Variants in GHITM observed in about 807,000 individuals in gnomAD.
The protein encoded by GHITM is growth hormone inducible transmembrane protein, also known as growth hormone-inducible transmembrane protein.
GHITM carries 24 observed loss-of-function variants against 38.7 expected under a neutral mutation model. The observed-to-expected ratio is 0.62, with a 90% CI of 0.45 to 0.87. The LOEUF (loss-of-function observed/expected upper bound fraction) is 0.87. GHITM is among the 40% of genes least tolerant of loss of function. GHITM has a pLI of 0.00. For synonymous variants in GHITM, 154 were observed against 147.8 expected (o/e 1.04, Z -0.30); for missense variants, 420 against 429.8 (o/e 0.98, Z 0.20).
At chr10:84,149,209 G>A (rs558317156) in intron 6 of GHITM, among the ~76,000 whole-genome samples, 1 of 152,230 alleles carries the variant, frequency 6.6e-6, no homozygotes, top group South Asian at 2.1e-4. Flanking sequence ...TAAAAATGTT[G>A]CTGCGAAATA....
intron 4 of GHITM, among the ~76,000 whole-genome samples, 191 bp from the exon 5 acceptor site, chr10:84,144,684 A>G (rs1410292050): frequency 6.6e-6 from 1 of 152,138 alleles, no homozygotes; most frequent in African/African-American, 2.4e-5. Flanking sequence ...ATGTGCTTGT[A>G]TGTTTTATCT....
At chr10:84,144,145 T>C in intron 4 of GHITM, 39 bp downstream of exon 4, 1 of 1,298,604 alleles carries the variant, frequency 7.7e-7, no homozygotes, top group Non-Finnish European at 1.1e-6. Context: ...CCTAAACAAC[T>C]CCAGCCTTAA....
rs1432861792 is a variant in GHITM at position 84,148,856 on chromosome 10, T to G, written c.592+18T>G. Reference sequence around the variant, plus strand: ...ACATTCTGGTATGTTCTGTTTTAAATTGTTACGAGACAACCTTGACTACCA... The same window carrying G: ...ACATTCTGGTATGTTCTGTTTTAAAGTGTTACGAGACAACCTTGACTACCA... On this transcript the variant is annotated intron_variant, in intron 6 of 8. Transcript: ENST00000372134. 1.4e-6 allele frequency: 2 copies of G among 1,479,850 alleles called. No individual in the cohort carries two copies. Among genetic ancestry groups the G allele is most frequent in the African/African-American group, 2.8e-5 (2 of 72,374 alleles). 91.7% of individuals were successfully genotyped at this position (1,479,850 alleles called of 1,614,324 possible).
At chr10:84,141,386 A>C (rs575093538) in intron 1 of GHITM, 76 bp from the exon 2 acceptor site, 1 of 810,826 alleles carries the variant, frequency 1.2e-6, no homozygotes, top group African/African-American at 1.7e-5. Flanking sequence ...TGACTCTCAT[A>C]TGTCCTTCTC....
intron 3 of GHITM, 25 bp from the exon 4 acceptor site, chr10:84,143,970 C>G (rs2306320): frequency 0.18 from 265,097 of 1,444,564 alleles, 31,615 homozygotes; most frequent in African/African-American, 0.48. Context: ...CAGTACTAAC[C>G]TGCATTTCCT....
intron 5 of GHITM, among the ~76,000 whole-genome samples, chr10:84,148,291 A>G (rs924823218): frequency 1.4e-5 from 2 of 147,028 alleles, no homozygotes; most frequent in Non-Finnish European, 2.9e-5. Context: ...TTTATTTTTT[A>G]TTTTTTATTT....
rs1355456413 is a variant in GHITM at position 84,150,185 on chromosome 10, T to A, written c.723T>A (p.Phe241Leu). 6.2e-7 allele frequency: 1 copy of A among 1,613,788 alleles called. No individual in the cohort carries two copies. The highest frequency in any genetic ancestry group is 2.2e-5 in the East Asian group (1 of 44,872). Residue 241 changes from phenylalanine (F) to leucine (L), a missense_variant, in exon 7 of 9, where the codon TTT becomes TTA. Physicochemically the swap from Phe to Leu is conservative, Grantham distance 22. Coordinates refer to ENST00000372134, the MANE Select transcript of GHITM (RefSeq NM_014394.3). ...CCATGTGTGCGCCCAGTGAAAAGTT[T>A]CTGAACATGGGTGCACCCCTGGGAG... Reference protein sequence around the residue: ...TVAMCAPSEKFLNMGAPLGVG... With the variant: ...TVAMCAPSEKLLNMGAPLGVG...
intron 5 of GHITM, among the ~76,000 whole-genome samples, chr10:84,146,533 G>C (rs1841558188): frequency 6.6e-6 from 1 of 152,166 alleles, no homozygotes; most frequent in African/African-American, 2.4e-5. Context: ...CAGCCATTTG[G>C]ATATTTATAT....
chr10:84,148,159 T>TG (rs1841574871), intron 5 of GHITM, among the ~76,000 whole-genome samples: 1 of 152,202 alleles, frequency 6.6e-6, no homozygotes, highest in Admixed American at 6.5e-5. Flanking sequence ...GCTTAAGACA[T>TG]GCATTTGAAG....
rs768563933 is a variant in GHITM, at chr10:84,152,324, A to G, written c.1014A>G (p.Ala338=). ...TTATGCGAGTTGCAACTATGCTGGCAACTGGAGGCAACAGAAAGAAATGAA... is the reference window on the plus strand; with the variant it reads ...TTATGCGAGTTGCAACTATGCTGGCGACTGGAGGCAACAGAAAGAAATGAA... ...NIFMRVATML[A]TGGNRKK is the part of the protein sequence containing the mutation. The change falls in exon 9 of 9, where the codon GCA becomes GCG. Residue 338 remains alanine, a synonymous_variant. Transcript: ENST00000372134. 5 of 1,601,998 alleles carry G rather than the reference A, an allele frequency of 3.1e-6. No homozygotes were observed. Among genetic ancestry groups the G allele is most frequent in the Non-Finnish European group, 4.3e-6 (5 of 1,170,230 alleles).
Position 84,150,138 on chromosome 10 carries a change from G to A in GHITM, c.676G>A (p.Val226Met), listed in dbSNP as rs761586657. 2.5e-6 allele frequency: 4 copies of A among 1,614,142 alleles called. No homozygotes were observed. Among genetic ancestry groups the A allele is most frequent in the East Asian group, 4.5e-5 (2 of 44,888 alleles). The change falls in exon 7 of 9, where the codon GTG (valine) becomes ATG (methionine). Residue 226 changes from valine (V) to methionine (M), a missense_variant. Transcript: ENST00000372134. The part of the protein sequence containing the change: ...IRAAWYTAGI[V>M]GGLSTVAMCA... ...AGCTGCATGGTACACAGCTGGCATT[G>A]TGGGAGGCCTCTCCACTGTGGCCAT...
rs1436632228 is a variant in GHITM at position 84,144,255 on chromosome 10, G to C, written c.341+149G>C. On this transcript the variant is annotated intron_variant, in intron 4 of 8. Coordinates refer to ENST00000372134, the MANE Select transcript of GHITM (RefSeq NM_014394.3). ...ACACACAAATAGAGAATCTCTTTTT[G>C]CTTCTTTGACATTTATTTATTCAAA... 2.5e-5 allele frequency: 14 copies of C among 553,480 alleles called. No homozygotes were observed. In the East Asian group the frequency reaches 2.9e-4, roughly 11 times the overall value. 34.3% of individuals were successfully genotyped at this position (553,480 alleles called of 1,614,324 possible).
In GHITM at chr10:84,153,408, T is replaced by G. The variant is rs1277673172; in HGVS notation, c.*1060T>G. Among the ~76,000 whole-genome samples, 1 of 152,208 alleles carries G rather than the reference T, an allele frequency of 6.6e-6. No individual in the cohort carries two copies. Among genetic ancestry groups the G allele is most frequent in the East Asian group, 1.9e-4 (1 of 5,198 alleles). On this transcript the variant is annotated 3_prime_UTR_variant, in exon 9 of 9. Transcript: ENST00000372134. The stretch of plus-strand genomic sequence containing the variant: ...ACTAGTTCTGTCTTAATGAAATATA[T>G]CAACCCAAAAGTGTAATGAGGAAAA...
At position 84,150,056 on chromosome 10, in the gene GHITM, T is replaced by A; in HGVS notation, c.594T>A (p.Gly198=). Residue 198 remains glycine (G), a splice_region_variant and synonymous_variant, in exon 7 of 9, where the codon GGT becomes GGA. Transcript: ENST00000372134. ...PKHLAWLLHS[G]VMGAVVAPLT... is the part of the protein sequence containing the mutation. ...AATGAGCACTTCCTCTTTCTCCAGG[T>A]GTGATGGGTGCAGTGGTGGCTCCTC... 6.5e-7 allele frequency: 1 copy of A among 1,536,104 alleles called. No individual in the cohort carries two copies. The highest frequency in any genetic ancestry group is 8.8e-7 in the Non-Finnish European group (1 of 1,135,774).
At position 84,144,903 on chromosome 10, in the gene GHITM, A is replaced by G. The variant is rs1323054795; in HGVS notation, c.370A>G (p.Ile124Val). 1.9e-6 allele frequency: 3 copies of G among 1,602,738 alleles called. No individual in the cohort carries two copies. The highest frequency in any genetic ancestry group is 2.6e-6 in the Non-Finnish European group (3 of 1,172,806). The stretch of plus-strand genomic sequence containing the variant: ...TTGGCCTCAGTATGTCAAGGATAGA[A>G]TTCATTCCACCTATATGTACTTAGC... Reference protein sequence around the residue: ...VIWPQYVKDRIHSTYMYLAGS... With the variant: ...VIWPQYVKDRVHSTYMYLAGS... The change falls in exon 5 of 9, where the codon ATT (isoleucine) becomes GTT (valine). Residue 124 changes from isoleucine (I) to valine (V), a missense_variant. Physicochemically the swap from Ile to Val is conservative, Grantham distance 29. Transcript: ENST00000372134.
chr10:84,148,363 C>T (rs568448441), intron 5 of GHITM, among the ~76,000 whole-genome samples: 11 of 152,136 alleles, frequency 7.2e-5, no homozygotes, highest in African/African-American at 2.4e-4. Flanking sequence ...CACGATCTTG[C>T]CTCATTGCAA....
intron 8 of GHITM, 25 bp downstream of exon 8, chr10:84,150,905 C>T: frequency 6.8e-7 from 1 of 1,478,880 alleles, no homozygotes; most frequent in Non-Finnish European, 9.4e-7. Flanking sequence ...TTATTTAACA[C>T]TGTTACTCTG....
chr10:84,144,755 ATGAAG>A (rs2132737698), intron 4 of GHITM, 115 bp from the exon 5 acceptor site: 2 of 567,480 alleles, frequency 3.5e-6, no homozygotes, highest in South Asian at 5.6e-5. Context: ...TCCATGATAA[ATGAAG>A]TGAATAAGAT....
rs1032182429 is a variant in GHITM, at chr10:84,142,644, A to T, written c.130-11A>T. The stretch of plus-strand genomic sequence containing the variant: ...GTGGGTGGTACGTGTCTTTGTTTGC[A>T]TGTGTGTCAGGAATATGCCACCAAA... On this transcript the variant is annotated splice_polypyrimidine_tract_variant and intron_variant, in intron 2 of 8. Coordinates refer to ENST00000372134, the MANE Select transcript of GHITM (RefSeq NM_014394.3). 6 of 1,585,922 alleles carry T rather than the reference A, an allele frequency of 3.8e-6. No individual in the cohort carries two copies. Among genetic ancestry groups the T allele is most frequent in the Non-Finnish European group, 5.2e-6 (6 of 1,156,008 alleles).
Sources: gnomAD v4.1 joint callset for allele counts (sites outside exome capture counted in the v4.1 genomes callset) on GRCh38, gnomAD v4.1.1 for gene constraint, MANE v1.5 for transcripts, NCBI Gene and HGNC (gene_info 2026-07-23, HGNC 2026-07-21) for gene names.